The following CAMKMT variants were observed in gnomAD, a reference collection of about 807,000 sequenced individuals.
The protein encoded by CAMKMT is calmodulin-lysine N-methyltransferase.
Under a neutral mutation model 48.0 loss-of-function variants are expected in CAMKMT, and 53 were observed. The ratio of observed to expected loss-of-function variants is 1.10; its 90% confidence interval spans 0.89 to 1.39. The LOEUF (loss-of-function observed/expected upper bound fraction) is 1.39, where lower values mean the gene tolerates loss of function less well. CAMKMT is among the 40% of genes most tolerant of loss of function. CAMKMT has a pLI of 0.00. For missense variants in CAMKMT, 428 were observed against 402.7 expected, an observed-to-expected ratio of 1.06 and a Z score of -0.54; for synonymous variants, 165 against 152.3, an observed-to-expected ratio of 1.08 and a Z score of -0.61.
intron 3 of CAMKMT, among the ~76,000 whole-genome samples, chr2:44,596,222 G>T (rs979299042): frequency 6.6e-6 from 1 of 152,050 alleles, no homozygotes; most frequent in African/African-American, 2.4e-5. Context: ...GACGAGGTAG[G>T]TGGATCACTT....
At chr2:44,368,066 A>T (rs1678795324) in intron 1 of CAMKMT, among the ~76,000 whole-genome samples, 1 of 152,178 alleles carries the variant, frequency 6.6e-6, no homozygotes, top group East Asian at 1.9e-4. Flanking sequence ...TAGGGACCTT[A>T]GGACTTGATG....
intron 3 of CAMKMT, among the ~76,000 whole-genome samples, chr2:44,558,653 C>A (rs2103682986): frequency 6.6e-6 from 1 of 152,156 alleles, no homozygotes; most frequent in South Asian, 2.1e-4. Flanking sequence ...CAGTGGGAGG[C>A]CATTATCCTA....
At chr2:44,409,183 GTAT>G (rs1683017393) in intron 3 of CAMKMT, among the ~76,000 whole-genome samples, 5 of 12,998 alleles carry the variant, frequency 3.8e-4, no homozygotes, top group African/African-American at 9.7e-4. Flanking sequence ...ATATATATAT[GTAT>G]ATTGCTACAT....
intron 3 of CAMKMT, among the ~76,000 whole-genome samples, chr2:44,617,031 A>C (rs1277605685): frequency 6.6e-6 from 1 of 152,204 alleles, no homozygotes; most frequent in African/African-American, 2.4e-5. Flanking sequence ...TCCTTGTCAC[A>C]TGTGTCCTAC....
intron 3 of CAMKMT, among the ~76,000 whole-genome samples, chr2:44,488,146 A>G (rs1178460750): frequency 6.6e-6 from 1 of 152,230 alleles, no homozygotes; most frequent in Non-Finnish European, 1.5e-5. Flanking sequence ...ATATGTATCA[A>G]GTTATCTATC....
intron 2 of CAMKMT, among the ~76,000 whole-genome samples, chr2:44,383,857 T>C (rs1390948800): frequency 6.6e-6 from 1 of 152,212 alleles, no homozygotes; most frequent in Non-Finnish European, 1.5e-5. Context: ...TACCACAGTT[T>C]CTTTATCCAC....
intron 3 of CAMKMT, among the ~76,000 whole-genome samples, chr2:44,468,168 A>C (rs1326887581): frequency 6.6e-6 from 1 of 152,204 alleles, no homozygotes; most frequent in Non-Finnish European, 1.5e-5. Flanking sequence ...AAAGCAAATA[A>C]TCTAACAAAA....
intron 3 of CAMKMT, among the ~76,000 whole-genome samples, chr2:44,505,570 G>T (rs765389578): frequency 5.3e-5 from 8 of 152,060 alleles, no homozygotes; most frequent in Non-Finnish European, 1.0e-4. Context: ...GTATAAGGTG[G>T]GAGTTTTTGG....
chr2:44,536,795 G>A (rs916357405), intron 3 of CAMKMT, among the ~76,000 whole-genome samples: 8 of 152,022 alleles, frequency 5.3e-5, no homozygotes, highest in African/African-American at 1.9e-4. Flanking sequence ...CAAACAGCAT[G>A]GTATCAGTAT....
rs569455074 is a variant in CAMKMT at position 44,506,075 on chromosome 2, C to T, written c.376+115770C>T. ...TTCACCATGTTGCTCAGGCTGGTCTCGAACTCCTGGGCTCAAGCAGTTCAT... is the reference window on the plus strand; with the variant it reads ...TTCACCATGTTGCTCAGGCTGGTCTTGAACTCCTGGGCTCAAGCAGTTCAT... On this transcript the variant is annotated intron_variant, in intron 3 of 10. Coordinates refer to ENST00000378494, the MANE Select transcript of CAMKMT (RefSeq NM_024766.5). Among the ~76,000 whole-genome samples the T allele has an allele frequency of 1.8e-4, 28 of 152,088 alleles. No homozygotes were observed. In the South Asian group the frequency reaches 4.8e-3, roughly 26 times the overall value.
intron 10 of CAMKMT, among the ~76,000 whole-genome samples, chr2:44,769,165 C>T (rs1012644504): frequency 6.6e-6 from 1 of 151,998 alleles, no homozygotes; most frequent in Admixed American, 6.5e-5. Context: ...AGGCAACCAC[C>T]CATGAAGCTG....
intron 9 of CAMKMT, among the ~76,000 whole-genome samples, chr2:44,763,207 C>T (rs1281434314): frequency 6.6e-6 from 1 of 152,050 alleles, no homozygotes; most frequent in Admixed American, 6.5e-5. Flanking sequence ...TGTCTGTATT[C>T]AATGAACTGA....
chr2:44,614,735 C>T (rs1671775469), intron 3 of CAMKMT, among the ~76,000 whole-genome samples: 1 of 151,988 alleles, frequency 6.6e-6, no homozygotes, highest in African/African-American at 2.4e-5. Context: ...AAAGAGGTAG[C>T]AAGTCCTGTG....
intron 3 of CAMKMT, among the ~76,000 whole-genome samples, chr2:44,431,551 T>C (rs1684649970): frequency 6.6e-6 from 1 of 152,208 alleles, no homozygotes; most frequent in Non-Finnish European, 1.5e-5. Context: ...CAATAGACTT[T>C]CTAAATCTTG....
In CAMKMT at chr2:44,414,096, C is replaced by CATATCCCAA. The variant is rs528332092; in HGVS notation, c.376+23792_376+23793insTATCCCAAA. ...ATGATACCCTCTCCCAAACCTGTCC[C>CATATCCCAA]ACATCCTCATATCTCTGGCAACTCT... is the stretch of plus-strand genomic sequence containing the variant. On this transcript the variant is annotated intron_variant, in intron 3 of 10. Transcript: ENST00000378494. Among the ~76,000 whole-genome samples the CATATCCCAA allele has an allele frequency of 2.0e-4, 30 of 152,288 alleles. No homozygotes were observed. The South Asian group carries it at 5.4e-3, about 27-fold the overall frequency.
At chr2:44,580,590 A>G (rs995600616) in intron 3 of CAMKMT, among the ~76,000 whole-genome samples, 1 of 152,222 alleles carries the variant, frequency 6.6e-6, no homozygotes, top group African/African-American at 2.4e-5. Flanking sequence ...GGCCACTAAC[A>G]TAGAAAAATT....
intron 3 of CAMKMT, among the ~76,000 whole-genome samples, chr2:44,590,480 T>C (rs1382295701): frequency 1.3e-5 from 2 of 152,196 alleles, no homozygotes; most frequent in African/African-American, 4.8e-5. Context: ...CTCATTGTGG[T>C]TTTGATTTGC....
intron 3 of CAMKMT, among the ~76,000 whole-genome samples, chr2:44,532,745 A>C (rs1007984582): frequency 6.6e-6 from 1 of 152,220 alleles, no homozygotes; most frequent in African/African-American, 2.4e-5. Context: ...AGCTGAAAAA[A>C]TTTATGAGGA....
At chr2:44,378,766 A>G (rs1679952825) in intron 2 of CAMKMT, among the ~76,000 whole-genome samples, 1 of 152,190 alleles carries the variant, frequency 6.6e-6, no homozygotes, top group African/African-American at 2.4e-5. Flanking sequence ...TGCTGGTATT[A>G]CAGGCGTGAG....
Sources: allele counts gnomAD v4.1 joint callset (sites outside exome capture counted in the v4.1 genomes callset), GRCh38; gene constraint gnomAD v4.1.1; transcripts MANE v1.5; gene names NCBI Gene and HGNC (gene_info 2026-07-23, HGNC 2026-07-21).